ZNF469: variants seen among roughly 807,000 people sequenced by gnomAD.
The protein encoded by ZNF469 is zinc finger protein 469.
A neutral mutation model predicts 1.0 loss-of-function variants in ZNF469; 1 was observed. The ratio of observed to expected loss-of-function variants is 1.00; its 90% CI spans 0.35 to 4.73. ZNF469 has a LOEUF of 4.73. ZNF469 is among the 30% of genes most tolerant of loss of function. The pLI is 0.16. For missense variants in ZNF469, 6,100 were observed against 5,356.3 expected, an observed-to-expected ratio of 1.14 and a Z score of -4.33; for synonymous variants, 2,703 against 2,363.4, an observed-to-expected ratio of 1.14 and a Z score of -4.17.
At position 88,435,124 on chromosome 16, in the gene ZNF469, C is replaced by T. The variant is rs1265058792; in HGVS notation, c.7654C>T (p.Pro2552Ser). ...SRGDPSHVTQ[P>S]PPAQGSKEVL... ...GGGAGACCCCAGCCACGTCACCCAG[C>T]CACCGCCTGCCCAGGGCTCAAAGGA... The change falls in exon 3 of 3, where the codon CCA becomes TCA. Residue 2552 changes from proline to serine, a missense_variant. Coordinates refer to ENST00000565624, the MANE Select transcript of ZNF469 (RefSeq NM_001367624.2). The T allele has an allele frequency of 6.5e-7, 1 of 1,550,360 alleles. No individual in the cohort carries two copies. Among genetic ancestry groups the T allele is most frequent in the South Asian group, 1.2e-5 (1 of 84,058 alleles).
chr16:88,144,283 G>A, the ZNF469 span, among the ~76,000 whole-genome samples: 1 of 152,188 alleles, frequency 6.6e-6, no homozygotes, highest in African/African-American at 2.4e-5. Context: ...TGTTGATTGG[G>A]TCACGTTTAA....
chr16:88,290,542 A>G, the ZNF469 span, among the ~76,000 whole-genome samples: 1 of 152,202 alleles, frequency 6.6e-6, no homozygotes, highest in African/African-American at 2.4e-5. Context: ...TGAAAGTTCT[A>G]TCTGAGGCTC....
At chr16:88,249,528 C>A in the ZNF469 span, among the ~76,000 whole-genome samples, 1 of 144,710 alleles carries the variant, frequency 6.9e-6, no homozygotes, top group Non-Finnish European at 1.5e-5. Flanking sequence ...GCTCCACCTC[C>A]CTGGTTCACA....
At chr16:88,236,451 C>G in the ZNF469 span, among the ~76,000 whole-genome samples, 9,127 of 92,952 alleles carry the variant, frequency 0.098, no homozygotes, top group African/African-American at 0.17. Context: ...CATAGGGAGG[C>G]GGGTATAAAG....
chr16:88,384,729 C>T (rs2142260679), intron 1 of ZNF469, among the ~76,000 whole-genome samples: 1 of 152,334 alleles, frequency 6.6e-6, no homozygotes, highest in East Asian at 1.9e-4. Context: ...GGCTGTAATG[C>T]CCCGAGGCTG....
Position 88,431,584 on chromosome 16 carries a change from G to A in ZNF469, c.4114G>A (p.Gly1372Arg), listed in dbSNP as rs368674617. Residue 1372 changes from glycine (G) to arginine (R), a missense_variant, in exon 3 of 3, where the codon GGG (glycine) becomes AGG (arginine). By Grantham distance (125) the Gly-to-Arg change is moderately radical. Coordinates refer to ENST00000565624, the MANE Select transcript of ZNF469 (RefSeq NM_001367624.2). ...CTTGGGGGTTCCAGTTGCCAAAAAG[G>A]GGCCTCAGCCCTACAGCAGCCCCCA... ...DPLGVPVAKKGPQPYSSPHSE... is the reference protein window; with the variant it reads ...DPLGVPVAKKRPQPYSSPHSE... 27 of 1,550,448 alleles carry A rather than the reference G, an allele frequency of 1.7e-5. No individual in the cohort carries two copies. In the East Asian group the frequency reaches 2.7e-4, roughly 15 times the overall value.
At chr16:88,166,483 G>A in the ZNF469 span, among the ~76,000 whole-genome samples, 17 of 152,152 alleles carry the variant, frequency 1.1e-4, no homozygotes, top group Non-Finnish European at 1.9e-4. This position sits in a 1 kb window ranked among gnomAD's most constrained non-coding sequence, Gnocchi z 4.5. Context: ...TGGCAAATGT[G>A]AGCGCCCCTC....
At chr16:88,162,513 T>C in the ZNF469 span, among the ~76,000 whole-genome samples, 676 of 152,350 alleles carry the variant, frequency 4.4e-3, 5 homozygotes, top group Admixed American at 0.012. Flanking sequence ...AAAAAACATT[T>C]TGCTTTAATA....
chr16:88,296,017 C>G, the ZNF469 span, among the ~76,000 whole-genome samples: 3 of 152,298 alleles, frequency 2.0e-5, no homozygotes, highest in South Asian at 6.2e-4. Context: ...TGATAAGCGT[C>G]CCCCCTCGGG....
At chr16:88,348,444 C>T in the ZNF469 span, among the ~76,000 whole-genome samples, 398 of 152,328 alleles carry the variant, frequency 2.6e-3, 1 homozygote, top group African/African-American at 9.0e-3. Context: ...TAAGGCCACA[C>T]CAACAGGTCC....
the ZNF469 span, among the ~76,000 whole-genome samples, chr16:88,287,896 T>C: frequency 6.6e-6 from 1 of 152,178 alleles, no homozygotes; most frequent in Non-Finnish European, 1.5e-5. Flanking sequence ...CTTTTCTTTA[T>C]TGCACATGTT....
At chr16:88,263,007 T>G in the ZNF469 span, among the ~76,000 whole-genome samples, 2 of 152,142 alleles carry the variant, frequency 1.3e-5, no homozygotes, top group East Asian at 1.9e-4. Context: ...TTCGCAGAAA[T>G]GCAGGCGTGG....
At chr16:88,418,383 G>A (rs1905359460) in intron 1 of ZNF469, among the ~76,000 whole-genome samples, 1 of 152,166 alleles carries the variant, frequency 6.6e-6, no homozygotes, top group Non-Finnish European at 1.5e-5. Context: ...CACTGATGAG[G>A]TCCTGGTGTC....
chr16:88,325,410 G>C, the ZNF469 span, among the ~76,000 whole-genome samples: 1 of 152,236 alleles, frequency 6.6e-6, no homozygotes, highest in African/African-American at 2.4e-5. Flanking sequence ...TCCACCCAGA[G>C]CATCACTCTT....
the ZNF469 span, among the ~76,000 whole-genome samples, chr16:88,267,124 T>C: frequency 1 from 152,268 of 152,324 alleles, 76,106 homozygotes; most frequent in Non-Finnish European, 1. Flanking sequence ...TCACACTGGC[T>C]GGCGGCACCC....
At chr16:88,208,803 A>T in the ZNF469 span, among the ~76,000 whole-genome samples, 413 of 123,646 alleles carry the variant, frequency 3.3e-3, 3 homozygotes, top group African/African-American at 0.012. Flanking sequence ...ACACACACAC[A>T]CTCTCTCTCT....
chr16:88,408,263 C>T (rs2142280750), intron 1 of ZNF469, among the ~76,000 whole-genome samples: 1 of 152,370 alleles, frequency 6.6e-6, no homozygotes, highest in Admixed American at 6.5e-5. Context: ...AGCAATTCTC[C>T]TGCCTCAGCC....
the ZNF469 span, among the ~76,000 whole-genome samples, chr16:88,128,060 G>A: frequency 4.6e-5 from 7 of 152,298 alleles, no homozygotes; most frequent in South Asian, 4.1e-4. Flanking sequence ...TCAGCCCACC[G>A]GCCTCTAGTC....
At chr16:88,320,857 C>T in the ZNF469 span, among the ~76,000 whole-genome samples, 1,319 of 152,326 alleles carry the variant, frequency 8.7e-3, 14 homozygotes, top group African/African-American at 0.029. Flanking sequence ...ACCCAGCACA[C>T]GCCCAACACG....
Sources: allele counts gnomAD v4.1 joint callset (sites outside exome capture counted in the v4.1 genomes callset), GRCh38; gene constraint gnomAD v4.1.1; non-coding constraint Gnocchi (gnomAD v3.1); transcripts MANE v1.5; gene names NCBI Gene and HGNC (gene_info 2026-07-23, HGNC 2026-07-21).